NOSTRIN: variants seen among roughly 807,000 people sequenced by gnomAD.
The protein encoded by NOSTRIN is BM247 homolog.
A neutral mutation model predicts 59.0 loss-of-function variants in NOSTRIN; 63 were observed. The ratio of observed to expected loss-of-function variants is 1.07; its 90% CI spans 0.87 to 1.32. The LOEUF is 1.32. Ranked by LOEUF, NOSTRIN falls within the 40% of genes most tolerant of loss-of-function variation. The pLI is 0.00. For missense variants in NOSTRIN, 512 were observed against 473.1 expected, an observed-to-expected ratio of 1.08 and a Z score of -0.76; for synonymous variants, 200 against 165.4, an observed-to-expected ratio of 1.21 and a Z score of -1.61.
At chr2:168,824,558 C>G in intron 2 of NOSTRIN, 76 bp from the exon 3 acceptor site, 2 of 785,930 alleles carry the variant, frequency 2.5e-6, no homozygotes, top group Non-Finnish European at 4.5e-6. Context: ...CTTGGCCTCC[C>G]AAAGTGCTGG....
At chr2:168,790,102 C>T (rs977908859) in intron 2 of NOSTRIN, among the ~76,000 whole-genome samples, 5 of 152,186 alleles carry the variant, frequency 3.3e-5, no homozygotes, top group African/African-American at 1.2e-4. Flanking sequence ...GTGCTTTCTC[C>T]AAAGACATCG....
At chr2:168,854,680 C>T (rs1194289368) in intron 10 of NOSTRIN, among the ~76,000 whole-genome samples, 3 of 152,224 alleles carry the variant, frequency 2.0e-5, no homozygotes, top group East Asian at 1.9e-4. Context: ...CCTTTGCTCC[C>T]GCCATTTTTC....
chr2:168,853,318 A>G (rs1290468042), intron 10 of NOSTRIN, among the ~76,000 whole-genome samples: 2 of 152,258 alleles, frequency 1.3e-5, no homozygotes, highest in South Asian at 2.1e-4. Flanking sequence ...TACATGGACC[A>G]GGGACAACAA....
At chr2:168,802,267 T>G, upstream of NOSTRIN, 2 of 205,400 alleles carry the variant, frequency 9.7e-6, no homozygotes, top group South Asian at 8.7e-5. Flanking sequence ...ATAAAAAGCA[T>G]GATTAATACT....
At chr2:168,818,340 A>G in intron 2 of NOSTRIN, 1 of 270,116 alleles carries the variant, frequency 3.7e-6, no homozygotes, top group Non-Finnish European at 7.8e-6. Context: ...AATTTTTTGT[A>G]GAAATGGGAT....
intron 8 of NOSTRIN, among the ~76,000 whole-genome samples, chr2:168,846,419 A>T (rs559113): frequency 0.46 from 69,354 of 151,990 alleles, 17,268 homozygotes; most frequent in East Asian, 0.67. Context: ...GGTTGGATGT[A>T]CAAATTCCTT....
intron 2 of NOSTRIN, among the ~76,000 whole-genome samples, chr2:168,792,687 C>T (rs1324383679): frequency 2.0e-5 from 3 of 152,020 alleles, no homozygotes; most frequent in Non-Finnish European, 4.4e-5. Flanking sequence ...CGCCATGTTG[C>T]TCAGGCTAGT....
At chr2:168,832,575 G>A (rs1172838218) in intron 6 of NOSTRIN, among the ~76,000 whole-genome samples, 3 of 152,090 alleles carry the variant, frequency 2.0e-5, no homozygotes, top group Non-Finnish European at 4.4e-5. Context: ...CAAAGCTTCT[G>A]CCAAAACTGA....
chr2:168,797,066 C>CTTTTTCT (rs1362873786), upstream of NOSTRIN, among the ~76,000 whole-genome samples: 3 of 114,144 alleles, frequency 2.6e-5, no homozygotes, highest in East Asian at 5.1e-4. Flanking sequence ...TTCTTTCTTT[C>CTTTTTCT]TTTTTCTTTT....
At chr2:168,818,701 A>G (rs900987879) in intron 2 of NOSTRIN, among the ~76,000 whole-genome samples, 2 of 152,156 alleles carry the variant, frequency 1.3e-5, no homozygotes, top group African/African-American at 4.8e-5. Context: ...TTGGTCTTTG[A>G]CTTATCAATT....
chr2:168,823,814 C>T (rs1383867990), intron 2 of NOSTRIN, among the ~76,000 whole-genome samples: 4 of 152,178 alleles, frequency 2.6e-5, no homozygotes, highest in African/African-American at 9.7e-5. Context: ...CAGTGGCTCA[C>T]GCCTGTAATC....
chr2:168,788,262 AT>A (rs775752435), intron 2 of NOSTRIN, among the ~76,000 whole-genome samples: 185 of 149,880 alleles, frequency 1.2e-3, no homozygotes, highest in Admixed American at 3.6e-3. Context: ...AAAAAAGATG[AT>A]GATATTGATG....
At chr2:168,810,162 G>A (rs1237122581) in intron 1 of NOSTRIN, among the ~76,000 whole-genome samples, 1 of 152,086 alleles carries the variant, frequency 6.6e-6, no homozygotes, top group Non-Finnish European at 1.5e-5. Context: ...AGCAGCCACA[G>A]GATTTTACAA....
At chr2:168,852,183 G>A (rs554452390) in intron 10 of NOSTRIN, among the ~76,000 whole-genome samples, 3 of 152,300 alleles carry the variant, frequency 2.0e-5, no homozygotes, top group East Asian at 3.9e-4. Flanking sequence ...ACTCAAAGGT[G>A]GGTGTGAGGG....
At chr2:168,824,751 C>A in intron 3 of NOSTRIN, 34 bp downstream of exon 3, 1 of 778,986 alleles carries the variant, frequency 1.3e-6, no homozygotes, top group Non-Finnish European at 2.2e-6. Context: ...GCAAAATCAA[C>A]CCTTTTTTTA....
intron 14 of NOSTRIN, among the ~76,000 whole-genome samples, chr2:168,861,239 T>C (rs181594539): frequency 5.1e-4 from 77 of 152,208 alleles, no homozygotes; most frequent in African/African-American, 1.8e-3. Flanking sequence ...CTCCATAGCC[T>C]CCTCCAAACT....
chr2:168,860,754 A>G (rs1473163716), intron 13 of NOSTRIN, 41 bp from the exon 14 acceptor site: 1 of 1,194,216 alleles, frequency 8.4e-7, no homozygotes, highest in Admixed American at 1.8e-5. Flanking sequence ...TGTTTATGAT[A>G]ATCGTGTTAC....
At chr2:168,807,709 C>T (rs1685931512) in intron 1 of NOSTRIN, among the ~76,000 whole-genome samples, 1 of 152,162 alleles carries the variant, frequency 6.6e-6, no homozygotes, top group African/African-American at 2.4e-5. Context: ...GTTGAATTGG[C>T]AGAGTATGGC....
At chr2:168,809,280 G>C (rs1686018462) in intron 1 of NOSTRIN, among the ~76,000 whole-genome samples, 2 of 151,984 alleles carry the variant, frequency 1.3e-5, no homozygotes, top group Non-Finnish European at 2.9e-5. Flanking sequence ...TTATGGCTTT[G>C]GCCTTCATTT....
Sources: allele counts gnomAD v4.1 joint callset (sites outside exome capture counted in the v4.1 genomes callset), GRCh38; gene constraint gnomAD v4.1.1; transcripts MANE v1.5; gene names NCBI Gene and HGNC (gene_info 2026-07-23, HGNC 2026-07-21).